The following WDFY3 variants were observed in gnomAD, a reference collection of about 807,000 sequenced individuals.
WDFY3 encodes WD repeat and FYVE domain-containing protein 3.
Under a neutral mutation model 409.6 loss-of-function variants are expected in WDFY3, and 66 were observed. That is an observed-to-expected ratio of 0.16 (90% CI 0.13 to 0.20). WDFY3 has a LOEUF of 0.20. WDFY3 is among the 10% of genes least tolerant of loss of function. WDFY3 has a pLI of 1.00. For synonymous variants in WDFY3, 1,521 were observed against 1,537.1 expected (o/e 0.99, Z 0.25); for missense variants, 3,031 against 4,298.1 (o/e 0.71, Z 8.24).
intron 4 of WDFY3, among the ~76,000 whole-genome samples, chr4:84,853,070 T>A (rs1012298766): frequency 9.2e-5 from 14 of 152,144 alleles, no homozygotes; most frequent in African/African-American, 3.1e-4. Flanking sequence ...GAAACCTCTA[T>A]TCTTTAACAA....
At chr4:84,675,108 A>G (rs1389194545) in intron 67 of WDFY3, among the ~76,000 whole-genome samples, 1 of 151,676 alleles carries the variant, frequency 6.6e-6, no homozygotes, top group African/African-American at 2.4e-5. Flanking sequence ...GTAGCTCACC[A>G]CCACACCTGG....
At chr4:84,857,899 C>A (rs190401524) in intron 4 of WDFY3, among the ~76,000 whole-genome samples, 56 of 152,278 alleles carry the variant, frequency 3.7e-4, no homozygotes, top group African/African-American at 1.3e-3. Context: ...TTCTGCCTTA[C>A]CAGCCTATAC....
intron 2 of WDFY3, among the ~76,000 whole-genome samples, chr4:84,917,647 A>C (rs922721654): frequency 5.3e-5 from 8 of 152,116 alleles, no homozygotes; most frequent in African/African-American, 1.9e-4. Flanking sequence ...AATTCATTTC[A>C]AACTCTTTAT....
chr4:84,692,907 C>A lies in WDFY3; in HGVS notation c.9027G>T (p.Arg3009Ser). ...TACCTTTTACAGGTGTTAGAGAAGG[C>A]CTCAAGTTGTCTAGATGATGAAAAA... ...KIFFHHLDNL[R>S]PSLTPVKELK... Residue 3009 changes from arginine (R) to serine (S), a missense_variant, in exon 59 of 68, where the codon AGG (arginine) becomes AGT (serine). This residue lies in a region of WDFY3 where 152 missense variants were observed against 193.5 expected (regional missense o/e 0.79). Coordinates refer to ENST00000295888, the MANE Select transcript of WDFY3 (RefSeq NM_014991.6). 3.7e-6 allele frequency: 6 copies of A among 1,611,088 alleles called. No individual in the cohort carries two copies. Among genetic ancestry groups the A allele is most frequent in the Non-Finnish European group, 5.1e-6 (6 of 1,179,430 alleles).
intron 49 of WDFY3, among the ~76,000 whole-genome samples, chr4:84,716,464 T>A (rs1733935833): frequency 7.6e-6 from 1 of 131,506 alleles, no homozygotes; most frequent in African/African-American, 2.8e-5. Context: ...AAAATGCAGA[T>A]CCTATTGAGG....
intron 15 of WDFY3, 62 bp from the exon 16 acceptor site, chr4:84,803,529 T>TTA (rs1313464136): frequency 2.0e-6 from 3 of 1,525,182 alleles, no homozygotes; most frequent in Non-Finnish European, 2.7e-6. Context: ...TCCTCTTCAG[T>TTA]TACTTTCATC....
Position 84,803,398 on chromosome 4 carries a change from A to G in WDFY3, c.2499T>C (p.His833=), listed in dbSNP as rs767881624. Residue 833 remains histidine (H), a synonymous_variant, in exon 16 of 68, where the codon CAT becomes CAC. Coordinates refer to ENST00000295888, the MANE Select transcript of WDFY3 (RefSeq NM_014991.6). ...PPKNVADLKL[H]VTTSSLQSSD... Reference sequence around the variant, plus strand: ...AACTCTGCAGAGATGAAGTTGTCACATGTAGTTTCAGGTCGGCAACATTTT... The same window carrying G: ...AACTCTGCAGAGATGAAGTTGTCACGTGTAGTTTCAGGTCGGCAACATTTT... 2.8e-5 allele frequency: 45 copies of G among 1,614,042 alleles called. No homozygotes were observed. Among genetic ancestry groups the G allele is most frequent in the Non-Finnish European group, 2.1e-5 (25 of 1,180,026 alleles).
At chr4:84,883,437 G>C (rs1325517154) in intron 3 of WDFY3, among the ~76,000 whole-genome samples, 1 of 152,136 alleles carries the variant, frequency 6.6e-6, no homozygotes, top group African/African-American at 2.4e-5. Context: ...TTCTTGGTAA[G>C]TCTCATCATC....
At chr4:84,720,634 C>T (rs1043071555) in intron 47 of WDFY3, among the ~76,000 whole-genome samples, 2 of 152,252 alleles carry the variant, frequency 1.3e-5, no homozygotes, top group East Asian at 1.9e-4. Context: ...CAAGCCTATT[C>T]CCCCTTCATC....
At chr4:84,829,341 T>C (rs1270028853) in intron 8 of WDFY3, 151 bp from the exon 9 acceptor site, 1 of 637,096 alleles carries the variant, frequency 1.6e-6, no homozygotes, top group Non-Finnish European at 2.5e-6. Context: ...AAAGTCAATA[T>C]AAGAGTCATA....
intron 61 of WDFY3, among the ~76,000 whole-genome samples, chr4:84,688,992 GT>G (rs1728796313): frequency 6.6e-6 from 1 of 152,232 alleles, no homozygotes; most frequent in South Asian, 2.1e-4. Flanking sequence ...ACTGTTAGTA[GT>G]TCCTAAGTAC....
intron 32 of WDFY3, among the ~76,000 whole-genome samples, chr4:84,757,460 T>A (rs1369593898): frequency 6.6e-6 from 1 of 152,196 alleles, no homozygotes; most frequent in African/African-American, 2.4e-5. Context: ...ACTTATTAAA[T>A]GAAAGACCTC....
intron 66 of WDFY3, 111 bp from the exon 67 acceptor site, chr4:84,677,507 G>T: frequency 1.0e-6 from 1 of 989,020 alleles, no homozygotes; most frequent in Non-Finnish European, 1.4e-6. Flanking sequence ...GCTGGTAAGG[G>T]TCCTGGAGAG....
intron 53 of WDFY3, among the ~76,000 whole-genome samples, chr4:84,707,982 A>C (rs1004920583): frequency 6.6e-6 from 1 of 152,206 alleles, no homozygotes; most frequent in Non-Finnish European, 1.5e-5. Context: ...AGCAGTCATG[A>C]TTCTAGTGAA....
chr4:84,931,053 TTA>T (rs1188527602), intron 2 of WDFY3, among the ~76,000 whole-genome samples: 1 of 152,190 alleles, frequency 6.6e-6, no homozygotes, highest in East Asian at 1.9e-4. Context: ...AATGTATAAA[TTA>T]TACTTTGTTA....
At chr4:84,752,481 C>T (rs987224461) in intron 35 of WDFY3, among the ~76,000 whole-genome samples, 12 of 150,262 alleles carry the variant, frequency 8.0e-5, no homozygotes, top group Non-Finnish European at 1.2e-4. Context: ...GAGCCGAGAT[C>T]GTGCCACCAT....
chr4:84,925,619 A>G (rs1769876800), intron 2 of WDFY3, among the ~76,000 whole-genome samples: 1 of 152,220 alleles, frequency 6.6e-6, no homozygotes, highest in Non-Finnish European at 1.5e-5. Context: ...AAAAAGCTAT[A>G]AAGGAAGTTT....
At chr4:84,830,143 A>C (rs2149912059) in intron 8 of WDFY3, among the ~76,000 whole-genome samples, 1 of 152,300 alleles carries the variant, frequency 6.6e-6, no homozygotes, top group Admixed American at 6.5e-5. Flanking sequence ...ATGTCACTTA[A>C]TAAATGTAAG....
At chr4:84,791,935 A>G (rs1748607956) in intron 21 of WDFY3, among the ~76,000 whole-genome samples, 1 of 152,224 alleles carries the variant, frequency 6.6e-6, no homozygotes, top group Non-Finnish European at 1.5e-5. Context: ...AAATTAATTT[A>G]CCTTTTATCA....
Sources: gnomAD v4.1 joint callset for allele counts (sites outside exome capture counted in the v4.1 genomes callset) on GRCh38, gnomAD v4.1.1 for gene constraint, gnomAD v4.1.1 regional missense constraint, MANE v1.5 for transcripts, NCBI Gene and HGNC (gene_info 2026-07-23, HGNC 2026-07-21) for gene names.